Variants in LRFN2 observed in about 807,000 individuals in gnomAD.
The protein encoded by LRFN2 is leucine-rich repeat and fibronectin type-III domain-containing protein 2.
Under a neutral mutation model 37.3 loss-of-function variants are expected in LRFN2, and 18 were observed. That is an observed-to-expected ratio of 0.48 (90% confidence interval 0.33 to 0.72). LRFN2 has a LOEUF of 0.72. Ranked by LOEUF, LRFN2 falls within the 30% of genes least tolerant of loss-of-function variation. The pLI is 0.02. For synonymous variants in LRFN2, 556 were observed against 466.6 expected, an observed-to-expected ratio of 1.19 and a Z score of -2.47; for missense variants, 1,006 against 1,060.7, an observed-to-expected ratio of 0.95 and a Z score of 0.72.
At chr6:40,552,123 A>C (rs1401832856) in intron 1 of LRFN2, among the ~76,000 whole-genome samples, 1 of 152,174 alleles carries the variant, frequency 6.6e-6, no homozygotes, top group Non-Finnish European at 1.5e-5. Context: ...GTGGTCTTCA[A>C]TCTGCAGCTC....
chr6:40,489,106 C>A (rs1156402112), intron 1 of LRFN2, among the ~76,000 whole-genome samples: 3 of 152,150 alleles, frequency 2.0e-5, no homozygotes, highest in African/African-American at 7.2e-5. Flanking sequence ...CATAGGCACA[C>A]ATACACCTCA....
rs1273954761 is a variant in LRFN2 at position 40,392,362 on chromosome 6, G to A, written c.1951C>T (p.Pro651Ser). 1.2e-6 allele frequency: 2 copies of A among 1,604,846 alleles called. No individual in the cohort carries two copies. Among genetic ancestry groups the A allele is most frequent in the Non-Finnish European group, 1.7e-6 (2 of 1,176,214 alleles). Reference sequence around the variant, plus strand: ...GCCCCCATCAGGCGGTCAAGGCTGGGCTTGGGGCGCGGGGCGGAGGGTGGG... The same window carrying A: ...GCCCCCATCAGGCGGTCAAGGCTGGACTTGGGGCGCGGGGCGGAGGGTGGG... ...RIPPSAPRPK[P>S]SLDRLMGAFA... The change falls in exon 3 of 3, where the codon CCC becomes TCC. Residue 651 changes from proline (P) to serine (S), a missense_variant. This residue lies in a region of LRFN2 where 398 missense variants were observed against 327.6 expected (regional missense o/e 1.21). Transcript: ENST00000338305. The surrounding 1 kb of genome is among the most constrained non-coding windows in gnomAD (Gnocchi z 4.7).
At chr6:40,473,866 G>A (rs1311484835) in intron 1 of LRFN2, among the ~76,000 whole-genome samples, 10 of 152,190 alleles carry the variant, frequency 6.6e-5, no homozygotes, top group Non-Finnish European at 1.5e-5. Context: ...CTGAGGCAGA[G>A]TAGTTACATC....
At chr6:40,536,294 GC>G (rs1766447915) in intron 1 of LRFN2, among the ~76,000 whole-genome samples, 1 of 151,988 alleles carries the variant, frequency 6.6e-6, no homozygotes, top group East Asian at 1.9e-4. Flanking sequence ...GGGAGACACA[GC>G]CCCGTCCTCA....
chr6:40,475,196 G>A (rs939465779), intron 1 of LRFN2, among the ~76,000 whole-genome samples: 1 of 152,208 alleles, frequency 6.6e-6, no homozygotes, highest in Non-Finnish European at 1.5e-5. Flanking sequence ...GAGCCTATGT[G>A]TTTGACCAAC....
At chr6:40,455,714 G>T (rs1764221059) in intron 1 of LRFN2, among the ~76,000 whole-genome samples, 2 of 152,176 alleles carry the variant, frequency 1.3e-5, no homozygotes, top group South Asian at 4.1e-4. Flanking sequence ...AAGAGCACAA[G>T]ATATCAGAAG....
rs6931327 is a variant in LRFN2, at chr6:40,396,551, C to G, written c.1401-3639G>C. 5.0e-3 allele frequency among the ~76,000 whole-genome samples: 765 copies of G among 152,242 alleles called. 5 individuals carry two copies. Among genetic ancestry groups the G allele is most frequent in the African/African-American group, 0.017 (720 of 41,522 alleles). ...CAAGGCAAGGCTGATTCTTGGCGGG[C>G]CACTGGAACCGGGATGAAAGGTCAG... On this transcript the variant is annotated intron_variant, in intron 2 of 2. Coordinates refer to ENST00000338305, the MANE Select transcript of LRFN2 (RefSeq NM_020737.3).
At chr6:40,540,165 T>C (rs1766525877) in intron 1 of LRFN2, among the ~76,000 whole-genome samples, 1 of 152,214 alleles carries the variant, frequency 6.6e-6, no homozygotes. Flanking sequence ...GACTCTTAAG[T>C]ACCCTGTGCT....
rs377714768 is a variant in LRFN2 at position 40,392,174 on chromosome 6, C to A, written c.2139G>T (p.Pro713=). 1.9e-6 allele frequency: 3 copies of A among 1,597,424 alleles called. No individual in the cohort carries two copies. Among genetic ancestry groups the A allele is most frequent in the Non-Finnish European group, 1.7e-6 (2 of 1,171,216 alleles). ...GGCTGCGTTTGGCCTTGCCCTCCAA[C>A]GGCAAGGGGAGCAGGCTCCTGGCCC... ...AARARSLLPL[P]LEGKAKRSHS... Residue 713 remains proline (P), a synonymous_variant, in exon 3 of 3, where the codon CCG becomes CCT. Transcript: ENST00000338305. This position sits in a 1 kb window ranked among gnomAD's most constrained non-coding sequence, Gnocchi z 4.7.
intron 1 of LRFN2, among the ~76,000 whole-genome samples, chr6:40,541,048 A>T (rs750387972): frequency 3.3e-5 from 5 of 152,108 alleles, no homozygotes; most frequent in Non-Finnish European, 7.4e-5. Context: ...CTGCAGCAGA[A>T]CTGCTGTGGG....
At chr6:40,456,690 A>G (rs1350380381) in intron 1 of LRFN2, among the ~76,000 whole-genome samples, 2 of 152,360 alleles carry the variant, frequency 1.3e-5, no homozygotes, top group Non-Finnish European at 2.9e-5. Context: ...CAAATGAAGA[A>G]AATGAAAACA....
At chr6:40,501,765 C>A (rs1458584392) in intron 1 of LRFN2, 1 of 152,164 alleles carries the variant, frequency 6.6e-6, no homozygotes, top group Admixed American at 6.5e-5. Context: ...GATGTCTCCG[C>A]CTACAAAAGA....
intron 1 of LRFN2, among the ~76,000 whole-genome samples, chr6:40,480,295 T>C (rs960487225): frequency 1.3e-5 from 2 of 152,180 alleles, no homozygotes; most frequent in African/African-American, 4.8e-5. Context: ...CTTTCTTTTT[T>C]GAGATGAGGT....
intron 2 of LRFN2, among the ~76,000 whole-genome samples, chr6:40,413,671 G>T (rs924428084): frequency 2.0e-5 from 3 of 152,202 alleles, no homozygotes; most frequent in East Asian, 3.8e-4. Flanking sequence ...CAGCCTGCCT[G>T]CCTCAGATGG....
At chr6:40,456,763 G>A (rs1172362710) in intron 1 of LRFN2, among the ~76,000 whole-genome samples, 1 of 152,126 alleles carries the variant, frequency 6.6e-6, no homozygotes, top group African/African-American at 2.4e-5. Context: ...CAGACCTGAG[G>A]CTCACGACTC....
intron 2 of LRFN2, among the ~76,000 whole-genome samples, chr6:40,430,884 T>C (rs1763462407): frequency 6.6e-6 from 1 of 152,124 alleles, no homozygotes. Flanking sequence ...CCTCTAGGGC[T>C]CTAAGTAGGC....
At chr6:40,504,731 C>G (rs1342683057) in intron 1 of LRFN2, among the ~76,000 whole-genome samples, 2 of 152,098 alleles carry the variant, frequency 1.3e-5, no homozygotes, top group African/African-American at 4.8e-5. Context: ...TGGAGTGAGT[C>G]ACGGCCAGCC....
intron 2 of LRFN2, among the ~76,000 whole-genome samples, chr6:40,397,860 C>A (rs1317468987): frequency 6.8e-6 from 1 of 147,886 alleles, no homozygotes; most frequent in Non-Finnish European, 1.5e-5. Context: ...GTGTGGCTCA[C>A]AGATGGATGC....
intron 1 of LRFN2, among the ~76,000 whole-genome samples, chr6:40,534,269 C>T (rs1014064238): frequency 1.2e-4 from 19 of 152,140 alleles, no homozygotes; most frequent in Admixed American, 4.6e-4. Context: ...ATGAACTAGA[C>T]GAGTTGTTCT....
Sources: allele counts gnomAD v4.1 joint callset (sites outside exome capture counted in the v4.1 genomes callset), GRCh38; gene constraint gnomAD v4.1.1; regional missense constraint gnomAD v4.1.1; non-coding constraint Gnocchi (gnomAD v3.1); transcripts MANE v1.5; gene names NCBI Gene and HGNC (gene_info 2026-07-23, HGNC 2026-07-21).